Variants in LRRC1 observed in about 807,000 individuals in gnomAD.
The protein encoded by LRRC1 is leucine-rich repeat-containing protein 1.
A neutral mutation model predicts 69.9 loss-of-function variants in LRRC1; 28 were observed. The ratio of observed to expected loss-of-function variants is 0.40; its 90% CI spans 0.30 to 0.55. The LOEUF (loss-of-function observed/expected upper bound fraction) is 0.55. LRRC1 is among the 20% of genes least tolerant of loss of function. The pLI, the probability that LRRC1 is intolerant of heterozygous loss-of-function variation, is 0.47. For missense variants in LRRC1, 498 were observed against 609.0 expected (o/e 0.82, Z 1.92); for synonymous variants, 236 against 240.2 (o/e 0.98, Z 0.16).
At chr6:53,827,068 C>T (rs1204104546) in intron 1 of LRRC1, among the ~76,000 whole-genome samples, 2 of 152,148 alleles carry the variant, frequency 1.3e-5, no homozygotes, top group African/African-American at 2.4e-5. Flanking sequence ...GTTAAGCAAT[C>T]ATATTCCCAA....
Position 53,864,944 on chromosome 6 carries a change from A to G in LRRC1, c.278-14049A>G, listed in dbSNP as rs536820575. Among the ~76,000 whole-genome samples, 4 of 152,216 alleles carry G rather than the reference A, an allele frequency of 2.6e-5. No individual in the cohort carries two copies. The South Asian group carries it at 8.3e-4, about 32-fold the overall frequency. ...ATTCCAGATTTTCATTGGAAATAGA[A>G]ATATTGTGCTTAAAAAATATAAAGT... On this transcript the variant is annotated intron_variant, in intron 2 of 13. Coordinates refer to ENST00000370888, the MANE Select transcript of LRRC1 (RefSeq NM_018214.5).
chr6:53,837,385 G>A (rs1315001227), intron 1 of LRRC1, among the ~76,000 whole-genome samples: 1 of 152,102 alleles, frequency 6.6e-6, no homozygotes, highest in Non-Finnish European at 1.5e-5. Flanking sequence ...CCACATACAG[G>A]TGGTTGACCA....
chr6:53,899,621 G>A lies in LRRC1; in HGVS notation c.643-126G>A, dbSNP rs73432416. ...GAATTTGCCCCTGCCTTCACATTTG[G>A]ATTCATGCTAAAGATAACATCCTTA... On this transcript the variant is annotated intron_variant, in intron 7 of 13. Coordinates refer to ENST00000370888, the MANE Select transcript of LRRC1 (RefSeq NM_018214.5). 9.5e-4 allele frequency: 812 copies of A among 851,174 alleles called. 6 individuals are homozygous for A. The African/African-American group carries it at 0.013, about 13-fold the overall frequency. The allele number at this position is 851,174 out of a possible 1,614,324, so 52.7% of individuals were successfully genotyped here. A position where few individuals can be genotyped will look rare whatever the true frequency, so the allele number is the denominator to read the frequency against.
intron 1 of LRRC1, among the ~76,000 whole-genome samples, chr6:53,821,556 C>G (rs1461199742): frequency 6.6e-6 from 1 of 152,196 alleles, no homozygotes; most frequent in East Asian, 1.9e-4. Context: ...CTCCTCTGCA[C>G]AATGAGGTGT....
At chr6:53,867,746 G>A (rs1406147059) in intron 2 of LRRC1, among the ~76,000 whole-genome samples, 2 of 151,994 alleles carry the variant, frequency 1.3e-5, no homozygotes, top group Non-Finnish European at 2.9e-5. Flanking sequence ...CTTGAGCCCA[G>A]GAGTTTGAGA....
At chr6:53,859,833 G>T (rs931657275) in intron 2 of LRRC1, among the ~76,000 whole-genome samples, 5 of 152,082 alleles carry the variant, frequency 3.3e-5, no homozygotes, top group African/African-American at 1.2e-4. Context: ...AACACAATGG[G>T]ATAAATGCAA....
In LRRC1 at chr6:53,812,689, C is replaced by CA. The variant is rs10580267; in HGVS notation, c.159+17299dup. ...TGGGCAAGAGTGCAAGACTCCGTCTCAAAAAAAAAAAAAAAAAAAAAAAAA... is the reference window on the plus strand; with the variant it reads ...TGGGCAAGAGTGCAAGACTCCGTCTCAAAAAAAAAAAAAAAAAAAAAAAAAA... On this transcript the variant is annotated intron_variant, in intron 1 of 13. Coordinates refer to ENST00000370888, the MANE Select transcript of LRRC1 (RefSeq NM_018214.5). Among the ~76,000 whole-genome samples, 592 of 78,936 alleles carry CA rather than the reference C, an allele frequency of 7.5e-3. 15 individuals are homozygous for CA. Among genetic ancestry groups the CA allele is most frequent in the African/African-American group, 0.023 (436 of 19,338 alleles). The allele number at this position is 78,936 out of a possible 152,430, so 51.8% of individuals were successfully genotyped here.
intron 1 of LRRC1, among the ~76,000 whole-genome samples, chr6:53,800,404 A>T (rs750569111): frequency 1.3e-5 from 2 of 151,506 alleles, no homozygotes; most frequent in Non-Finnish European, 2.9e-5. Context: ...GGCGCACACC[A>T]CCACGCCCAG....
intron 7 of LRRC1, among the ~76,000 whole-genome samples, chr6:53,899,396 A>G (rs994004236): frequency 9.2e-5 from 14 of 152,232 alleles, no homozygotes; most frequent in African/African-American, 7.2e-5. Context: ...CTAGAGATCA[A>G]TTCCGAACTT....
chr6:53,827,010 A>G (rs2127411014), intron 1 of LRRC1, among the ~76,000 whole-genome samples: 1 of 152,248 alleles, frequency 6.6e-6, no homozygotes, highest in East Asian at 1.9e-4. Flanking sequence ...GATCTTACCC[A>G]CTGTTTCCAA....
chr6:53,840,032 A>G (rs1258070335), intron 1 of LRRC1, among the ~76,000 whole-genome samples: 2 of 152,142 alleles, frequency 1.3e-5, no homozygotes, highest in African/African-American at 4.8e-5. Context: ...TTCAAGCAAC[A>G]TTTTGGAATT....
intron 2 of LRRC1, among the ~76,000 whole-genome samples, chr6:53,869,564 C>A (rs373281672): frequency 3.9e-5 from 6 of 152,244 alleles, no homozygotes; most frequent in Admixed American, 3.3e-4. Context: ...CATGAAATAA[C>A]AATGTTCTGA....
intron 1 of LRRC1, among the ~76,000 whole-genome samples, chr6:53,840,929 CGT>C (rs1170025699): frequency 1.9e-3 from 191 of 98,074 alleles, no homozygotes; most frequent in African/African-American, 6.0e-3. Context: ...TGTGTGTGTG[CGT>C]GCGCGCACAT....
intron 1 of LRRC1, among the ~76,000 whole-genome samples, chr6:53,819,277 G>A (rs1341407232): frequency 2.0e-5 from 3 of 152,150 alleles, no homozygotes; most frequent in Non-Finnish European, 1.5e-5. Context: ...TCCTAACACA[G>A]CCCTTTGTTG....
chr6:53,869,083 A>G (rs1245175722), intron 2 of LRRC1, among the ~76,000 whole-genome samples: 1 of 152,230 alleles, frequency 6.6e-6, no homozygotes, highest in Non-Finnish European at 1.5e-5. Context: ...ATAAGTGCAG[A>G]AAACTGGTGC....
chr6:53,810,922 C>G (rs574334681), intron 1 of LRRC1, among the ~76,000 whole-genome samples: 1 of 152,160 alleles, frequency 6.6e-6, no homozygotes, highest in South Asian at 2.1e-4. Flanking sequence ...GCTCCCCCAG[C>G]CTTTGAGGTT....
chr6:53,886,481 AATTTT>A (rs1045686511), intron 4 of LRRC1, among the ~76,000 whole-genome samples: 2 of 152,170 alleles, frequency 1.3e-5, no homozygotes, highest in Admixed American at 1.3e-4. Context: ...GCAAAGCAAA[AATTTT>A]AAGGAGCACT....
chr6:53,795,121 G>A lies in LRRC1; in HGVS notation c.-136G>A. On this transcript the variant is annotated 5_prime_UTR_variant, in exon 1 of 14. Transcript: ENST00000370888. ...AGCACTTCCGACCGCGAAGCCCGGC[G>A]CGAGAAGCGAGCTAACCCAAGAGCC... 3 of 753,758 alleles carry A rather than the reference G, an allele frequency of 4.0e-6. No homozygotes were observed. Among genetic ancestry groups the A allele is most frequent in the Admixed American group, 3.4e-5 (1 of 29,524 alleles). The allele number at this position is 753,758 out of a possible 1,614,324, so 46.7% of individuals were successfully genotyped here. A position where few individuals can be genotyped will look rare whatever the true frequency, so the allele number is the denominator to read the frequency against.
At chr6:53,813,050 A>C (rs367887149) in intron 1 of LRRC1, among the ~76,000 whole-genome samples, 3 of 152,156 alleles carry the variant, frequency 2.0e-5, no homozygotes, top group Admixed American at 6.5e-5. Context: ...GGATGGGGCC[A>C]CTGAGGATGC....
Sources: gnomAD v4.1 joint callset for allele counts (sites outside exome capture counted in the v4.1 genomes callset) on GRCh38, gnomAD v4.1.1 for gene constraint, MANE v1.5 for transcripts, NCBI Gene and HGNC (gene_info 2026-07-23, HGNC 2026-07-21) for gene names.